The following VWC2 variants were observed in gnomAD, a reference collection of about 807,000 sequenced individuals.
The protein encoded by VWC2 is brorin.
In VWC2, 14 loss-of-function variants were observed where a neutral mutation model predicts 29.8. The observed-to-expected ratio is 0.47, with a 90% CI of 0.31 to 0.74. The LOEUF (loss-of-function observed/expected upper bound fraction) is 0.74, where lower values mean the gene tolerates loss of function less well. Ranked by LOEUF, VWC2 falls within the 30% of genes least tolerant of loss-of-function variation. The pLI is 0.05. For missense variants in VWC2, 457 were observed against 459.8 expected, an observed-to-expected ratio of 0.99 and a Z score of 0.05; for synonymous variants, 213 against 199.0, an observed-to-expected ratio of 1.07 and a Z score of -0.59.
At chr7:49,811,322 CAT>C (rs1361488659) in intron 3 of VWC2, among the ~76,000 whole-genome samples, 2 of 152,172 alleles carry the variant, frequency 1.3e-5, no homozygotes, top group African/African-American at 2.4e-5. Flanking sequence ...ATAATCTCCA[CAT>C]GTTGTGGGAG....
intron 3 of VWC2, among the ~76,000 whole-genome samples, chr7:49,877,156 C>T (rs763757609): frequency 4.6e-5 from 7 of 151,846 alleles, no homozygotes; most frequent in Non-Finnish European, 4.4e-5. Context: ...CACATAGTCT[C>T]AGTGCTCAAA....
chr7:49,792,831 T>A (rs1254639939), intron 2 of VWC2, among the ~76,000 whole-genome samples: 1 of 152,158 alleles, frequency 6.6e-6, no homozygotes, highest in Non-Finnish European at 1.5e-5. Flanking sequence ...AACGTGGGAT[T>A]CCTCCTGTGC....
At chr7:49,901,492 A>G (rs1792721739) in intron 3 of VWC2, among the ~76,000 whole-genome samples, 1 of 151,888 alleles carries the variant, frequency 6.6e-6, no homozygotes, top group Non-Finnish European at 1.5e-5. Context: ...TAGGTATAAA[A>G]TTAGCAAAAT....
At chr7:49,820,746 G>A (rs1297130492) in intron 3 of VWC2, among the ~76,000 whole-genome samples, 1 of 152,190 alleles carries the variant, frequency 6.6e-6, no homozygotes, top group Non-Finnish European at 1.5e-5. Context: ...ATTTATCCTT[G>A]CAATGCCTTG....
At chr7:49,901,116 A>G (rs1792701673) in intron 3 of VWC2, 1 of 151,964 alleles carries the variant, frequency 6.6e-6, no homozygotes, top group African/African-American at 2.4e-5. Context: ...CATCGTACTT[A>G]CTGTTGAGAA....
chr7:49,843,368 GAC>G (rs754714633), intron 3 of VWC2, among the ~76,000 whole-genome samples: 8 of 152,172 alleles, frequency 5.3e-5, no homozygotes, highest in Non-Finnish European at 1.0e-4. Flanking sequence ...GCGAAGAGGA[GAC>G]ACAGCTCAGT....
intron 3 of VWC2, among the ~76,000 whole-genome samples, chr7:49,825,068 TG>T (rs1789363316): frequency 1.3e-5 from 2 of 152,200 alleles, no homozygotes; most frequent in Non-Finnish European, 2.9e-5. Context: ...TTCTTTACAT[TG>T]GATAATTTAT....
At chr7:49,834,944 A>G (rs1428353506) in intron 3 of VWC2, among the ~76,000 whole-genome samples, 2 of 152,194 alleles carry the variant, frequency 1.3e-5, no homozygotes, top group Admixed American at 1.3e-4. Flanking sequence ...CTAAAGATAG[A>G]AGCTGAGGAA....
chr7:49,851,317 T>G (rs980010134), intron 3 of VWC2, among the ~76,000 whole-genome samples: 2 of 152,204 alleles, frequency 1.3e-5, no homozygotes, highest in African/African-American at 4.8e-5. Context: ...AAAAACCCTT[T>G]TCCAAATAAG....
rs116728526 is a variant in VWC2 at position 49,795,632 on chromosome 7, C to A, written c.697-7079C>A. ...TTGGGTGCCTAATCCTTGAGCAGCT[C>A]TTTGTGAAGTGTTGAGCAATTGTTA... On this transcript the variant is annotated intron_variant, in intron 2 of 3. Transcript: ENST00000340652. Among the ~76,000 whole-genome samples the A allele has an allele frequency of 1.8e-4, 27 of 152,268 alleles. No individual in the cohort carries two copies. The East Asian group carries it at 5.0e-3, about 28-fold the overall frequency.
intron 3 of VWC2, among the ~76,000 whole-genome samples, chr7:49,899,118 C>T (rs1169599451): frequency 1.3e-5 from 2 of 151,974 alleles, no homozygotes; most frequent in African/African-American, 4.8e-5. Context: ...CATAGACTAT[C>T]CCCCCTTATC....
At chr7:49,818,145 A>C (rs551116126) in intron 3 of VWC2, among the ~76,000 whole-genome samples, 2 of 152,342 alleles carry the variant, frequency 1.3e-5, no homozygotes, top group South Asian at 2.1e-4. Context: ...TGGCAATTGA[A>C]AGAAGGCAGA....
At chr7:49,846,101 A>G (rs1789937617) in intron 3 of VWC2, among the ~76,000 whole-genome samples, 1 of 152,172 alleles carries the variant, frequency 6.6e-6, no homozygotes. Flanking sequence ...ATGATATCAC[A>G]TTGCTTCTTT....
At chr7:49,830,241 T>C (rs929842709) in intron 3 of VWC2, among the ~76,000 whole-genome samples, 1 of 151,992 alleles carries the variant, frequency 6.6e-6, no homozygotes, top group African/African-American at 2.4e-5. Context: ...AATCTTTTAT[T>C]AATCTTTAAA....
intron 3 of VWC2, among the ~76,000 whole-genome samples, chr7:49,830,605 G>C (rs1182485317): frequency 6.6e-6 from 1 of 152,010 alleles, no homozygotes; most frequent in Non-Finnish European, 1.5e-5. Flanking sequence ...TGCCATGTTG[G>C]TGTGCTGCAC....
At chr7:49,845,578 C>T (rs184057428) in intron 3 of VWC2, among the ~76,000 whole-genome samples, 3 of 152,334 alleles carry the variant, frequency 2.0e-5, no homozygotes, top group Admixed American at 2.0e-4. Flanking sequence ...TAACACAATA[C>T]AGAATATTTG....
chr7:49,787,074 A>G (rs1788316406), intron 2 of VWC2, among the ~76,000 whole-genome samples: 1 of 152,128 alleles, frequency 6.6e-6, no homozygotes, highest in African/African-American at 2.4e-5. Flanking sequence ...GCTGGTCAGA[A>G]CTGCCCACCA....
At chr7:49,819,333 G>A (rs1453038865) in intron 3 of VWC2, among the ~76,000 whole-genome samples, 1 of 152,176 alleles carries the variant, frequency 6.6e-6, no homozygotes, top group African/African-American at 2.4e-5. Context: ...AAAGCGTTGT[G>A]TGTGCCCCTG....
intron 3 of VWC2, among the ~76,000 whole-genome samples, chr7:49,860,300 T>C (rs1421423630): frequency 6.6e-6 from 1 of 152,242 alleles, no homozygotes; most frequent in Admixed American, 6.5e-5. Context: ...CTAATTTATG[T>C]CTCTAAAAAT....
Sources: gnomAD v4.1 joint callset for allele counts (sites outside exome capture counted in the v4.1 genomes callset) on GRCh38, gnomAD v4.1.1 for gene constraint, MANE v1.5 for transcripts, NCBI Gene and HGNC (gene_info 2026-07-23, HGNC 2026-07-21) for gene names.